The following BDKRB1 variants were observed in gnomAD, a reference collection of about 807,000 sequenced individuals.
BDKRB1 encodes bradykinin receptor B1.
For missense variants in BDKRB1, 414 were observed against 441.4 expected, an observed-to-expected ratio of 0.94 and a Z score of 0.56; for synonymous variants, 192 against 189.1, an observed-to-expected ratio of 1.02 and a Z score of -0.13.
chr14:96,256,395 C>T (rs555195872), intron 1 of BDKRB1, 95 bp downstream of exon 1: 1 of 152,074 alleles, frequency 6.6e-6, no homozygotes, highest in African/African-American at 2.4e-5. Flanking sequence ...TCCTTTTACA[C>T]CTACCTATTG....
At chr14:96,260,801 A>G (rs1048242405) in intron 1 of BDKRB1, among the ~76,000 whole-genome samples, 20 of 152,212 alleles carry the variant, frequency 1.3e-4, no homozygotes, top group Non-Finnish European at 2.5e-4. Context: ...TGGTGATTTC[A>G]TCCAGCCTTG....
Position 96,264,184 on chromosome 14 carries a change from T to G in BDKRB1, c.502T>G (p.Leu168Val), listed in dbSNP as rs1885832323. ...CVLIWVVGGLLSIPTFLLRSI... is the reference protein window; with the variant it reads ...CVLIWVVGGLVSIPTFLLRSI... ...GCTCATCTGGGTTGTGGGGGGCCTC[T>G]TGAGCATCCCCACATTCCTGCTGCG... The change falls in exon 3 of 3, where the codon TTG becomes GTG. Residue 168 changes from leucine (L) to valine (V), a missense_variant. Coordinates refer to ENST00000216629, the MANE Select transcript of BDKRB1 (RefSeq NM_000710.4). 1 of 1,609,432 alleles carries G rather than the reference T, an allele frequency of 6.2e-7. No homozygotes were observed. Among genetic ancestry groups the G allele is most frequent in the Non-Finnish European group, 8.5e-7 (1 of 1,176,978 alleles).
In BDKRB1 at chr14:96,263,988, C is replaced by G. The variant is rs1352640927; in HGVS notation, c.306C>G (p.Asn102Lys). 6.2e-7 allele frequency: 1 copy of G among 1,614,256 alleles called. No individual in the cohort carries two copies. Among genetic ancestry groups the G allele is most frequent in the South Asian group, 1.1e-5 (1 of 91,084 alleles). The change falls in exon 3 of 3, where the codon AAC (asparagine) becomes AAG (lysine). Residue 102 changes from asparagine to lysine, a missense_variant. Physicochemically the swap from Asn to Lys is moderately conservative, Grantham distance 94. Coordinates refer to ENST00000216629, the MANE Select transcript of BDKRB1 (RefSeq NM_000710.4). ...FWAENIWNQF[N>K]WPFGALLCRV... ...CAGAGAATATCTGGAACCAGTTTAACTGGCCTTTCGGAGCCCTCCTCTGCC... is the reference window on the plus strand; with the variant it reads ...CAGAGAATATCTGGAACCAGTTTAAGTGGCCTTTCGGAGCCCTCCTCTGCC...
chr14:96,260,260 GAT>G (rs1216812679), intron 1 of BDKRB1, among the ~76,000 whole-genome samples: 2 of 152,156 alleles, frequency 1.3e-5, no homozygotes, highest in Non-Finnish European at 2.9e-5. Flanking sequence ...CTGACCTCAT[GAT>G]CCACCTGCCT....
At chr14:96,262,621 TTTTTTGTTG>T in intron 1 of BDKRB1, 22 bp from the exon 2 acceptor site, 2 of 281,552 alleles carry the variant, frequency 7.1e-6, no homozygotes, top group Admixed American at 4.6e-5. Flanking sequence ...TTTTTTTTTT[TTTTTTGTTG>T]TTGTTGTTGT....
chr14:96,261,277 G>T (rs1437163583), intron 1 of BDKRB1, among the ~76,000 whole-genome samples: 1 of 152,210 alleles, frequency 6.6e-6, no homozygotes, highest in Non-Finnish European at 1.5e-5. Context: ...AGGCTTATAC[G>T]CACACTGAGA....
chr14:96,264,182 T>G lies in BDKRB1; in HGVS notation c.500T>G (p.Leu167Arg). 6.2e-7 allele frequency: 1 copy of G among 1,608,906 alleles called. No individual in the cohort carries two copies. The highest frequency in any genetic ancestry group is 8.5e-7 in the Non-Finnish European group (1 of 1,176,676). The change falls in exon 3 of 3, where the codon CTC becomes CGC. Residue 167 changes from leucine to arginine, a missense_variant. Coordinates refer to ENST00000216629, the MANE Select transcript of BDKRB1 (RefSeq NM_000710.4). Reference sequence around the variant, plus strand: ...GTGCTCATCTGGGTTGTGGGGGGCCTCTTGAGCATCCCCACATTCCTGCTG... The same window carrying G: ...GTGCTCATCTGGGTTGTGGGGGGCCGCTTGAGCATCCCCACATTCCTGCTG... The part of the protein sequence containing the change: ...TCVLIWVVGG[L>R]LSIPTFLLRS...
At chr14:96,260,807 C>A (rs1238285427) in intron 1 of BDKRB1, among the ~76,000 whole-genome samples, 1 of 152,160 alleles carries the variant, frequency 6.6e-6, no homozygotes. Context: ...TTTCATCCAG[C>A]CTTGTGGCTT....
chr14:96,262,601 CT>C, intron 1 of BDKRB1, 50 bp from the exon 2 acceptor site: 8 of 396,686 alleles, frequency 2.0e-5, no homozygotes, highest in Non-Finnish European at 3.8e-5. Flanking sequence ...CTCTCTCTCT[CT>C]CTCCTTTTTT....
chr14:96,264,288 G>C lies in BDKRB1; in HGVS notation c.606G>C (p.Arg202Ser), dbSNP rs1386869299. The C allele has an allele frequency of 6.2e-7, 1 of 1,614,214 alleles. No individual in the cohort carries two copies. Among genetic ancestry groups the C allele is most frequent in the Admixed American group, 1.7e-5 (1 of 60,024 alleles). Residue 202 changes from arginine (R) to serine (S), a missense_variant, in exon 3 of 3, where the codon AGG (arginine) becomes AGC (serine). Coordinates refer to ENST00000216629, the MANE Select transcript of BDKRB1 (RefSeq NM_000710.4). ...CCCATGAGGCCTGGCACTTTGCAAG[G>C]ATTGTGGAGTTAAATATTCTGGGTT... The part of the protein sequence containing the change: ...LLPHEAWHFA[R>S]IVELNILGFL...
intron 1 of BDKRB1, among the ~76,000 whole-genome samples, chr14:96,261,408 A>G (rs1885745363): frequency 6.6e-6 from 1 of 152,244 alleles, no homozygotes; most frequent in African/African-American, 2.4e-5. Context: ...GAACCAGTGA[A>G]TTATACCCCG....
intron 1 of BDKRB1, among the ~76,000 whole-genome samples, chr14:96,258,910 T>C (rs1004836480): frequency 1.3e-5 from 2 of 148,390 alleles, no homozygotes; most frequent in African/African-American, 2.5e-5. Flanking sequence ...ATTCAGATAC[T>C]GCAAAAAAAA....
In BDKRB1 at chr14:96,264,526, C is replaced by G. The variant is rs145322761; in HGVS notation, c.844C>G (p.Arg282Gly). 392 of 1,614,146 alleles carry G rather than the reference C, an allele frequency of 2.4e-4. 5 individuals carry two copies. The South Asian group carries it at 4.1e-3, about 17-fold the overall frequency. The change falls in exon 3 of 3, where the codon CGA (arginine) becomes GGA (glycine). Residue 282 changes from arginine to glycine, a missense_variant. Physicochemically the swap from Arg to Gly is moderately radical, Grantham distance 125 (BLOSUM62 -2). Coordinates refer to ENST00000216629, the MANE Select transcript of BDKRB1 (RefSeq NM_000710.4). ...ATTCTTATTCCAGGTGCAAGCAGTCCGAGGCTGCTTTTGGGAGGACTTCAT... is the reference window on the plus strand; with the variant it reads ...ATTCTTATTCCAGGTGCAAGCAGTCGGAGGCTGCTTTTGGGAGGACTTCAT... ...LEFLFQVQAV[R>G]GCFWEDFIDL...
At position 96,264,477 on chromosome 14, in the gene BDKRB1, T is replaced by G. The variant is rs1363232509; in HGVS notation, c.795T>G (p.Pro265=). Residue 265 remains proline (P), a synonymous_variant, in exon 3 of 3, where the codon CCT becomes CCG. Coordinates refer to ENST00000216629, the MANE Select transcript of BDKRB1 (RefSeq NM_000710.4). ...TTGCCTTCCTGGTCTGCTGGGCCCC[T>G]TACCACTTCTTTGCCTTCCTGGAAT... ...LVVAFLVCWA[P]YHFFAFLEFL... 9 of 1,614,068 alleles carry G rather than the reference T, an allele frequency of 5.6e-6. No individual in the cohort carries two copies. Among genetic ancestry groups the G allele is most frequent in the Non-Finnish European group, 6.8e-6 (8 of 1,180,030 alleles).
At chr14:96,262,972 G>A (rs186630781) in intron 2 of BDKRB1, among the ~76,000 whole-genome samples, 14 of 152,056 alleles carry the variant, frequency 9.2e-5, no homozygotes, top group Non-Finnish European at 1.3e-4. Context: ...TCCTAGCACT[G>A]TCCCCACCCC....
rs138148494 is a variant in BDKRB1, at chr14:96,257,819, A to C, written c.-130+1519A>C. On this transcript the variant is annotated intron_variant, in intron 1 of 2. Transcript: ENST00000216629. ...CCAATAGTCAAAAATTATTTCCCCC[A>C]AAAATTAGTATTTACAGGTAGAAAG... Among the ~76,000 whole-genome samples, 779 of 152,170 alleles carry C rather than the reference A, an allele frequency of 5.1e-3. 7 individuals are homozygous for C. Among genetic ancestry groups the C allele is most frequent in the African/African-American group, 0.017 (705 of 41,496 alleles).
At chr14:96,259,831 C>T (rs142963887) in intron 1 of BDKRB1, 6 of 152,236 alleles carry the variant, frequency 3.9e-5, no homozygotes, top group African/African-American at 1.2e-4. Context: ...CTGTGATGTT[C>T]TTCTTATGGA....
chr14:96,259,337 A>C (rs1354719289), intron 1 of BDKRB1: 1 of 152,244 alleles, frequency 6.6e-6, no homozygotes, highest in Non-Finnish European at 1.5e-5. Context: ...GTGAAAGTCC[A>C]GTTTTTTAAA....
At chr14:96,259,279 T>C (rs1436406976) in intron 1 of BDKRB1, 1 of 129,272 alleles carries the variant, frequency 7.7e-6, no homozygotes. Context: ...TGAGACTCAA[T>C]GTCCACTAAA....
Sources: gnomAD v4.1 joint callset for allele counts (sites outside exome capture counted in the v4.1 genomes callset) on GRCh38, gnomAD v4.1.1 for gene constraint, MANE v1.5 for transcripts, NCBI Gene and HGNC (gene_info 2026-07-23, HGNC 2026-07-21) for gene names.